SND1: variants seen among roughly 807,000 people sequenced by gnomAD.
SND1 encodes the protein staphylococcal nuclease and tudor domain containing 1.
SND1 carries 38 observed loss-of-function variants against 121.7 expected under a neutral mutation model. The ratio of observed to expected loss-of-function variants is 0.31; its 90% CI spans 0.24 to 0.41. The LOEUF is 0.41. Among genes scored for constraint, SND1 ranks in the 10% least tolerant of loss-of-function variants. The pLI is 1.00. For missense variants in SND1, 868 were observed against 1,184.6 expected (o/e 0.73, Z 3.92); for synonymous variants, 401 against 447.4 (o/e 0.90, Z 1.31).
At chr7:127,787,597 C>G (rs1797834684) in intron 10 of SND1, among the ~76,000 whole-genome samples, 1 of 152,146 alleles carries the variant, frequency 6.6e-6, no homozygotes, top group African/African-American at 2.4e-5. Flanking sequence ...ACAAGTATTT[C>G]CTGTTAGCTG....
intron 14 of SND1, among the ~76,000 whole-genome samples, chr7:127,911,895 C>T (rs1800464985): frequency 6.6e-6 from 1 of 152,170 alleles, no homozygotes; most frequent in South Asian, 2.1e-4. Flanking sequence ...AGAGTTGCTT[C>T]AGCCAGTTGC....
At chr7:127,734,576 T>C (rs1177962179) in intron 10 of SND1, among the ~76,000 whole-genome samples, 2 of 152,140 alleles carry the variant, frequency 1.3e-5, no homozygotes, top group African/African-American at 2.4e-5. Context: ...TGGAAGAAAA[T>C]ACAGGTGCTT....
At chr7:128,009,180 A>G (rs1803054408) in intron 16 of SND1, among the ~76,000 whole-genome samples, 1 of 152,226 alleles carries the variant, frequency 6.6e-6, no homozygotes, top group Non-Finnish European at 1.5e-5. Flanking sequence ...ATCAATTAAA[A>G]CAGCATAAAA....
At chr7:127,654,877 G>T (rs1345274126) in intron 1 of SND1, among the ~76,000 whole-genome samples, 1 of 152,178 alleles carries the variant, frequency 6.6e-6, no homozygotes, top group East Asian at 1.9e-4. Flanking sequence ...TTGACCACTG[G>T]CAAATTGCTG....
chr7:127,933,028 G>C (rs1227681093), intron 15 of SND1, among the ~76,000 whole-genome samples: 1 of 152,124 alleles, frequency 6.6e-6, no homozygotes, highest in Non-Finnish European at 1.5e-5. Flanking sequence ...CATCCTTTTG[G>C]CAATGTAGAG....
intron 16 of SND1, among the ~76,000 whole-genome samples, chr7:128,064,612 A>AT (rs894948493): frequency 2.6e-5 from 4 of 152,112 alleles, no homozygotes; most frequent in African/African-American, 7.2e-5. Context: ...TACATTGGAG[A>AT]TTCACCTGGT....
rs141274256 is a variant in SND1, at chr7:127,852,500, A to G, written c.1343+8076A>G. Among the ~76,000 whole-genome samples, 7 of 151,376 alleles carry G rather than the reference A, an allele frequency of 4.6e-5. No individual in the cohort carries two copies. In the East Asian group the frequency reaches 5.8e-4, roughly 13 times the overall value. On this transcript the variant is annotated intron_variant, in intron 12 of 23. Transcript: ENST00000354725. Reference sequence around the variant, plus strand: ...AAGTGAGACTCCCTCTAAAAAAAAAAAAAAAAAGAAAAAAGGGAGAAAAAG... The same window carrying G: ...AAGTGAGACTCCCTCTAAAAAAAAAGAAAAAAAGAAAAAAGGGAGAAAAAG...
At chr7:127,844,482 G>A in intron 12 of SND1, 58 bp downstream of exon 12, 1 of 1,357,472 alleles carries the variant, frequency 7.4e-7, no homozygotes, top group South Asian at 1.3e-5. Flanking sequence ...AGAGTTCTTT[G>A]CTCATTTGAA....
chr7:127,784,435 A>C (rs1470504010), intron 10 of SND1, among the ~76,000 whole-genome samples: 3 of 152,116 alleles, frequency 2.0e-5, no homozygotes, highest in Non-Finnish European at 4.4e-5. Context: ...GGAAAACTCT[A>C]AGTCTTCCTT....
chr7:128,087,377 T>G (rs1026323438), intron 21 of SND1, among the ~76,000 whole-genome samples: 1 of 152,124 alleles, frequency 6.6e-6, no homozygotes, highest in Non-Finnish European at 1.5e-5. Context: ...CGTGGGGTTG[T>G]CTACCCTGGC....
chr7:127,990,667 T>C (rs1213496244), intron 15 of SND1, among the ~76,000 whole-genome samples: 1 of 152,310 alleles, frequency 6.6e-6, no homozygotes, highest in East Asian at 1.9e-4. Flanking sequence ...CTCATCTTAC[T>C]TGGAAGGCTC....
At chr7:128,027,273 C>A (rs980465401) in intron 16 of SND1, 1 of 152,060 alleles carries the variant, frequency 6.6e-6, no homozygotes, top group Non-Finnish European at 1.5e-5. Context: ...CTCTGCCTTC[C>A]CCACCCACGC....
At chr7:127,718,579 G>C in intron 9 of SND1, 1 of 985,368 alleles carries the variant, frequency 1.0e-6, no homozygotes. Context: ...TTCCTGAAGA[G>C]GAGGTTTCTA....
At position 127,841,624 on chromosome 7, in the gene SND1, C is replaced by A. The variant is rs546520000; in HGVS notation, c.1243-2700C>A. Among the ~76,000 whole-genome samples the A allele has an allele frequency of 7.2e-5, 11 of 152,294 alleles. No individual in the cohort carries two copies. The South Asian group carries it at 2.3e-3, about 32-fold the overall frequency. ...CCAGGGTGTATTAGCATCAAGACCA[C>A]TTCTTCCCTTCCCTGGTTCTGAGTT... On this transcript the variant is annotated intron_variant, in intron 11 of 23. Coordinates refer to ENST00000354725, the MANE Select transcript of SND1 (RefSeq NM_014390.4).
At chr7:127,918,651 T>C (rs565063390) in intron 14 of SND1, among the ~76,000 whole-genome samples, 17 of 152,300 alleles carry the variant, frequency 1.1e-4, no homozygotes, top group Middle Eastern at 3.4e-3. Context: ...TTAGCAGATA[T>C]TGTTGGATGA....
chr7:127,876,728 C>A (rs1202788434), intron 12 of SND1, among the ~76,000 whole-genome samples: 1 of 152,064 alleles, frequency 6.6e-6, no homozygotes, highest in Non-Finnish European at 1.5e-5. Context: ...CAAGCTTGAT[C>A]CAGTATTTGA....
At chr7:127,960,535 C>T (rs1801707554) in intron 15 of SND1, among the ~76,000 whole-genome samples, 1 of 152,178 alleles carries the variant, frequency 6.6e-6, no homozygotes, top group African/African-American at 2.4e-5. Context: ...TTTTGCTGAG[C>T]ATTGAGTCTC....
chr7:127,802,965 A>C (rs1028569976), intron 10 of SND1, among the ~76,000 whole-genome samples: 1 of 152,164 alleles, frequency 6.6e-6, no homozygotes, highest in Non-Finnish European at 1.5e-5. Flanking sequence ...CGCTGCCTTG[A>C]TGTAATCTCT....
intron 1 of SND1, among the ~76,000 whole-genome samples, chr7:127,653,433 A>G (rs1301503695): frequency 6.6e-6 from 1 of 152,170 alleles, no homozygotes; most frequent in Non-Finnish European, 1.5e-5. Context: ...CAGTTCTGAC[A>G]TTTGTATCTG....
Sources: gnomAD v4.1 joint callset for allele counts (sites outside exome capture counted in the v4.1 genomes callset) on GRCh38, gnomAD v4.1.1 for gene constraint, MANE v1.5 for transcripts, NCBI Gene and HGNC (gene_info 2026-07-23, HGNC 2026-07-21) for gene names.